Variants in FOXK1 observed in about 807,000 individuals in gnomAD.
FOXK1 encodes forkhead box K1, also known as forkhead box protein K1.
Under a neutral mutation model 51.9 loss-of-function variants are expected in FOXK1, and 19 were observed. The ratio of observed to expected loss-of-function variants is 0.37; its 90% confidence interval spans 0.26 to 0.54. The LOEUF (loss-of-function observed/expected upper bound fraction) is 0.54. FOXK1 is among the 20% of genes least tolerant of loss of function. FOXK1 has a pLI of 0.87. For missense variants in FOXK1, 870 were observed against 1,032.7 expected, an observed-to-expected ratio of 0.84 and a Z score of 2.16; for synonymous variants, 537 against 482.6, an observed-to-expected ratio of 1.11 and a Z score of -1.48.
In FOXK1 at chr7:4,767,680, A is replaced by T. The variant is rs1035378148; in HGVS notation, c.*5216A>T. The stretch of plus-strand genomic sequence containing the variant: ...CCTTATTTTTAGATTGTTTTCCTGC[A>T]TCTTACAATTTCCTTTTCTTTTCAA... On this transcript the variant is annotated 3_prime_UTR_variant, in exon 9 of 9. Transcript: ENST00000328914. The surrounding 1 kb of genome is among the most constrained non-coding windows in gnomAD (Gnocchi z 6.6). 4 of 152,100 alleles carry T rather than the reference A, an allele frequency of 2.6e-5. No homozygotes were observed. Among genetic ancestry groups the T allele is most frequent in the Admixed American group, 6.5e-5 (1 of 15,274 alleles). The allele number at this position is 152,100 out of a possible 1,614,324, so 9.4% of individuals were successfully genotyped here.
intron 1 of FOXK1, 29 bp from the exon 2 acceptor site, chr7:4,740,809 C>T (rs540559253): frequency 6.3e-7 from 1 of 1,587,490 alleles, no homozygotes; most frequent in African/African-American, 1.4e-5. Flanking sequence ...TCCTCCTGCA[C>T]CTCACACCCG....
In FOXK1 at chr7:4,762,596, G is replaced by A; in HGVS notation, c.*132G>A. 1 of 810,274 alleles carries A rather than the reference G, an allele frequency of 1.2e-6. No individual in the cohort carries two copies. Among genetic ancestry groups the A allele is most frequent in the Non-Finnish European group, 1.9e-6 (1 of 527,458 alleles). 50.2% of individuals were successfully genotyped at this position (810,274 alleles called of 1,614,324 possible). On this transcript the variant is annotated 3_prime_UTR_variant, in exon 9 of 9. Transcript: ENST00000328914. This position sits in a 1 kb window ranked among gnomAD's most constrained non-coding sequence, Gnocchi z 5.7. ...GGCCTGTGGGCATCGGCGGCACCTG[G>A]ACACACCCAGCCCTTTCCATTTGAT... is the stretch of plus-strand genomic sequence containing the variant.
At position 4,715,178 on chromosome 7, in the gene FOXK1, G is replaced by A. The variant is rs1010724256; in HGVS notation, c.561-25660G>A. The stretch of plus-strand genomic sequence containing the variant: ...GTACATGGTGGAACTGTGACGATAC[G>A]GGGCACGGTGGAACTGTGGCGATAC... On this transcript the variant is annotated intron_variant, in intron 1 of 8. Transcript: ENST00000328914. The surrounding 1 kb of genome is among the most constrained non-coding windows in gnomAD (Gnocchi z 4.5). Among the ~76,000 whole-genome samples the A allele has an allele frequency of 2.6e-5, 4 of 151,886 alleles. No homozygotes were observed. Among genetic ancestry groups the A allele is most frequent in the Non-Finnish European group, 4.4e-5 (3 of 67,960 alleles).
Position 4,762,060 on chromosome 7 carries a change from G to C in FOXK1, c.1922-124G>C, listed in dbSNP as rs1309230364. ...GGAGCAGAGCAAGGGTAGCCGTCCT[G>C]CCTGGCAGGGGTGCACTGACCTCCG... On this transcript the variant is annotated intron_variant, in intron 8 of 8. Coordinates refer to ENST00000328914, the MANE Select transcript of FOXK1 (RefSeq NM_001037165.2). This position sits in a 1 kb window ranked among gnomAD's most constrained non-coding sequence, Gnocchi z 5.7. 2 of 1,170,718 alleles carry C rather than the reference G, an allele frequency of 1.7e-6. No homozygotes were observed. Among genetic ancestry groups the C allele is most frequent in the Non-Finnish European group, 2.4e-6 (2 of 841,870 alleles). The allele number at this position is 1,170,718 out of a possible 1,614,324, so 72.5% of individuals were successfully genotyped here. A position where few individuals can be genotyped will look rare whatever the true frequency, so the allele number is the denominator to read the frequency against.
intron 5 of FOXK1, among the ~76,000 whole-genome samples, chr7:4,757,634 C>CAAAAAAAAAAAA (rs59200954): frequency 2.0e-4 from 4 of 20,200 alleles, no homozygotes; most frequent in African/African-American, 2.7e-4. Flanking sequence ...AACTCCGTCT[C>CAAAAAAAAAAAA]AAAAAAAAAA....
chr7:4,759,274 G>A (rs1319205531), intron 6 of FOXK1, 37 bp from the exon 7 acceptor site: 7 of 1,604,530 alleles, frequency 4.4e-6, no homozygotes, highest in Non-Finnish European at 5.9e-6. Context: ...GTGGGGGTGC[G>A]GGAGGGGTCA....
intron 2 of FOXK1, among the ~76,000 whole-genome samples, chr7:4,752,621 G>A (rs944564030): frequency 1.3e-5 from 2 of 152,200 alleles, no homozygotes; most frequent in Non-Finnish European, 2.9e-5. Flanking sequence ...GAGATTTTCC[G>A]AGCTGAGTGG....
intron 1 of FOXK1, among the ~76,000 whole-genome samples, chr7:4,708,601 A>G (rs1037200656): frequency 6.6e-6 from 1 of 152,246 alleles, no homozygotes; most frequent in African/African-American, 2.4e-5. Flanking sequence ...CCCGAATGGT[A>G]TAAACTTGTG....
chr7:4,757,410 C>A (rs1478100862), intron 5 of FOXK1, among the ~76,000 whole-genome samples: 3 of 151,970 alleles, frequency 2.0e-5, no homozygotes, highest in South Asian at 2.1e-4. Context: ...AGTGGATCAC[C>A]TGAGGTCAGG....
At chr7:4,751,593 G>A in intron 2 of FOXK1, among the ~76,000 whole-genome samples, 1 of 152,224 alleles carries the variant, frequency 6.6e-6, no homozygotes. Context: ...CGGGGGCCTT[G>A]GTATCAGGAG....
intron 1 of FOXK1, among the ~76,000 whole-genome samples, chr7:4,696,865 C>T (rs1049465458): frequency 2.0e-5 from 3 of 152,084 alleles, no homozygotes; most frequent in African/African-American, 7.2e-5. Context: ...GCCAGGAGTT[C>T]GAGACCAGCC....
At chr7:4,726,582 AT>A (rs1213337325) in intron 1 of FOXK1, among the ~76,000 whole-genome samples, 1 of 151,600 alleles carries the variant, frequency 6.6e-6, no homozygotes, top group Non-Finnish European at 1.5e-5. Context: ...AGATTGTGAC[AT>A]TGCACTCCAG....
At position 4,734,645 on chromosome 7, in the gene FOXK1, G is replaced by A. The variant is rs1005168577; in HGVS notation, c.561-6193G>A. ...GCTTCATGGGGGGCTCAGGAAGGCT[G>A]GGTCTCAGGCTTTTCTCCTGCGCCA... On this transcript the variant is annotated intron_variant, in intron 1 of 8. Transcript: ENST00000328914. The surrounding 1 kb of genome is among the most constrained non-coding windows in gnomAD (Gnocchi z 5.2). Among the ~76,000 whole-genome samples, 1 of 152,210 alleles carries A rather than the reference G, an allele frequency of 6.6e-6. No individual in the cohort carries two copies. Among genetic ancestry groups the A allele is most frequent in the East Asian group, 1.9e-4 (1 of 5,182 alleles).
At position 4,707,803 on chromosome 7, in the gene FOXK1, G is replaced by A. The variant is rs1395022878; in HGVS notation, c.560+24935G>A. ...GGGTTCAAGCAATTCTCCTACCTCA[G>A]CCCCCCAAGTAGCTGGGATGATAGG... On this transcript the variant is annotated intron_variant, in intron 1 of 8. Transcript: ENST00000328914. This position sits in a 1 kb window ranked among gnomAD's most constrained non-coding sequence, Gnocchi z 4.1. Among the ~76,000 whole-genome samples the A allele has an allele frequency of 6.6e-6, 1 of 151,752 alleles. No individual in the cohort carries two copies. The highest frequency in any genetic ancestry group is 1.9e-4 in the East Asian group (1 of 5,166).
intron 1 of FOXK1, among the ~76,000 whole-genome samples, chr7:4,689,659 T>C (rs754958910): frequency 5.9e-5 from 9 of 152,228 alleles, no homozygotes; most frequent in Non-Finnish European, 1.2e-4. Context: ...TTGAAGAATA[T>C]GGAATTAGTT....
At chr7:4,694,068 T>C (rs1313516040) in intron 1 of FOXK1, among the ~76,000 whole-genome samples, 1 of 151,062 alleles carries the variant, frequency 6.6e-6, no homozygotes, top group Non-Finnish European at 1.5e-5. Context: ...TTATTTTTTA[T>C]AGAGACCAGT....
Position 4,762,732 on chromosome 7 carries a change from C to T in FOXK1, c.*268C>T, listed in dbSNP as rs1293194367. ...TTTCCTTCTCCCTCGGCACCACCTC[C>T]TCTCCCCAGGCCTCCCTGTCGGGCA... On this transcript the variant is annotated 3_prime_UTR_variant, in exon 9 of 9. Coordinates refer to ENST00000328914, the MANE Select transcript of FOXK1 (RefSeq NM_001037165.2). This position sits in a 1 kb window ranked among gnomAD's most constrained non-coding sequence, Gnocchi z 5.7. The T allele has an allele frequency of 2.1e-6, 1 of 469,484 alleles. No homozygotes were observed. Among genetic ancestry groups the T allele is most frequent in the African/African-American group, 2.0e-5 (1 of 50,738 alleles). The allele number at this position is 469,484 out of a possible 1,614,324, so 29.1% of individuals were successfully genotyped here.
chr7:4,754,686 G>T lies in FOXK1; in HGVS notation c.903+71G>T. 3 of 1,520,788 alleles carry T rather than the reference G, an allele frequency of 2.0e-6. No individual in the cohort carries two copies. The South Asian group carries it at 3.6e-5, about 18-fold the overall frequency. 94.2% of individuals were successfully genotyped at this position (1,520,788 alleles called of 1,614,324 possible). On this transcript the variant is annotated intron_variant, in intron 3 of 8. Transcript: ENST00000328914. ...GGGCCATAGTGACCCGGCGCGGGCG[G>T]CACAGACAGCCCAGGGCCTGCGGGC...
intron 1 of FOXK1, among the ~76,000 whole-genome samples, chr7:4,684,005 C>T (rs1198453826): frequency 6.6e-6 from 1 of 152,106 alleles, no homozygotes; most frequent in African/African-American, 2.4e-5. Context: ...CAGAGAGACC[C>T]AGCTGGGCCT....
Sources: allele counts gnomAD v4.1 joint callset (sites outside exome capture counted in the v4.1 genomes callset), GRCh38; gene constraint gnomAD v4.1.1; non-coding constraint Gnocchi (gnomAD v3.1); transcripts MANE v1.5; gene names NCBI Gene and HGNC (gene_info 2026-07-23, HGNC 2026-07-21).